RB1: variants seen among roughly 807,000 people sequenced by gnomAD.
RB1 encodes RB transcriptional corepressor 1.
In RB1, 18 loss-of-function variants were observed where a neutral mutation model predicts 135.4. The ratio of observed to expected loss-of-function variants is 0.13; its 90% CI spans 0.09 to 0.20. The LOEUF is 0.20. RB1 is among the 10% of genes least tolerant of loss of function. The pLI, the probability that RB1 is intolerant of heterozygous loss-of-function variation, is 1.00. For missense variants in RB1, 868 were observed against 1,110.0 expected, an observed-to-expected ratio of 0.78 and a Z score of 3.10; for synonymous variants, 365 against 373.2, an observed-to-expected ratio of 0.98 and a Z score of 0.25.
chr13:48,375,885 T>A (rs893531531), intron 12 of RB1, among the ~76,000 whole-genome samples: 4 of 152,116 alleles, frequency 2.6e-5, no homozygotes, highest in African/African-American at 9.6e-5. Flanking sequence ...GGCCATAATC[T>A]TAATTTTAGA....
At chr13:48,350,590 CTT>C (rs779397455) in intron 6 of RB1, among the ~76,000 whole-genome samples, 6 of 151,944 alleles carry the variant, frequency 3.9e-5, no homozygotes, top group Admixed American at 6.6e-5. Context: ...TTTAAAAAAA[CTT>C]TTAGGTTCAG....
chr13:48,467,411 C>T (rs1949453922), intron 23 of RB1, among the ~76,000 whole-genome samples: 2 of 76,174 alleles, frequency 2.6e-5, no homozygotes, highest in Admixed American at 1.6e-4. Flanking sequence ...GAAGGAAGCG[C>T]TAAACATGGA....
intron 17 of RB1, among the ~76,000 whole-genome samples, chr13:48,410,463 A>G (rs1948783601): frequency 6.6e-6 from 1 of 152,212 alleles, no homozygotes; most frequent in South Asian, 2.1e-4. Context: ...TTACCTAAGC[A>G]AGCATCATAA....
intron 11 of RB1, 41 bp from the exon 12 acceptor site, chr13:48,373,364 C>G (rs1952782505): frequency 1.6e-6 from 2 of 1,242,638 alleles, no homozygotes; most frequent in East Asian, 4.7e-5. Flanking sequence ...TTTTTTCTCC[C>G]TTCATTGCTT....
chr13:48,407,238 G>T (rs1948748460), intron 17 of RB1, among the ~76,000 whole-genome samples: 3 of 152,088 alleles, frequency 2.0e-5, no homozygotes, highest in Non-Finnish European at 4.4e-5. Context: ...TTAAATTTTT[G>T]AATTATACCC....
intron 12 of RB1, 72 bp downstream of exon 12, chr13:48,373,564 T>A: frequency 1.0e-6 from 1 of 976,518 alleles, no homozygotes; most frequent in Non-Finnish European, 1.6e-6. Context: ...GTTAAAGTAC[T>A]GAGTTCTTTT....
chr13:48,351,065 A>T (rs1952542637), intron 6 of RB1, among the ~76,000 whole-genome samples: 1 of 152,170 alleles, frequency 6.6e-6, no homozygotes, highest in Non-Finnish European at 1.5e-5. Flanking sequence ...TCTTTATGGT[A>T]GAATGATTTC....
At chr13:48,393,063 T>C (rs1183276747) in intron 17 of RB1, among the ~76,000 whole-genome samples, 2 of 152,198 alleles carry the variant, frequency 1.3e-5, no homozygotes, top group Admixed American at 6.6e-5. Flanking sequence ...GAATATCCCA[T>C]ATATGACAAG....
At chr13:48,308,634 C>T (rs1179262858) in intron 2 of RB1, among the ~76,000 whole-genome samples, 4 of 151,028 alleles carry the variant, frequency 2.6e-5, no homozygotes, top group Non-Finnish European at 5.9e-5. Flanking sequence ...GACTAGGCAA[C>T]AGAGAAGACT....
At chr13:48,360,185 T>TTTG (rs1327455239) in intron 7 of RB1, 58 bp downstream of exon 7, 1 of 1,604,508 alleles carries the variant, frequency 6.2e-7, no homozygotes, top group Non-Finnish European at 8.5e-7. Flanking sequence ...TTATTGAATG[T>TTTG]CTAGTGGGTA....
In RB1 at chr13:48,303,946, A is replaced by G. The variant is rs1566174063; in HGVS notation, c.34A>G (p.Thr12Ala). 1 of 1,508,982 alleles carries G rather than the reference A, an allele frequency of 6.6e-7. No individual in the cohort carries two copies. Among genetic ancestry groups the G allele is most frequent in the African/African-American group, 1.4e-5 (1 of 69,078 alleles). 93.5% of individuals were successfully genotyped at this position (1,508,982 alleles called of 1,614,324 possible). A position where few individuals can be genotyped will look rare whatever the true frequency, so the allele number is the denominator to read the frequency against. The change falls in exon 1 of 27, where the codon ACC (threonine) becomes GCC (alanine). Residue 12 changes from threonine (T) to alanine (A), a missense_variant. Physicochemically the swap from Thr to Ala is moderately conservative, Grantham distance 58. Around this residue, in one of 3 missense-constraint regions of RB1, gnomAD observed 641 missense variants for 791.3 expected, o/e 0.81. Coordinates refer to ENST00000267163, the MANE Select transcript of RB1 (RefSeq NM_000321.3). ...PPKTPRKTAA[T>A]AAAAAAEPPA... ...CAAAACCCCCCGAAAAACGGCCGCC[A>G]CCGCCGCCGCTGCCGCCGCGGAACC...
At chr13:48,433,596 T>C (rs934087314) in intron 17 of RB1, among the ~76,000 whole-genome samples, 2 of 152,060 alleles carry the variant, frequency 1.3e-5, no homozygotes, top group Non-Finnish European at 2.9e-5. Context: ...TTTTTATAAC[T>C]TACACCAAAT....
intron 6 of RB1, 32 bp from the exon 7 acceptor site, chr13:48,359,985 A>G (rs1952624542): frequency 1.2e-6 from 2 of 1,608,472 alleles, no homozygotes; most frequent in Non-Finnish European, 1.7e-6. Context: ...TGAATCTCTA[A>G]CTTTCTTTAA....
In RB1 at chr13:48,373,393, T is replaced by TA; in HGVS notation, c.1128-11dup. On this transcript the variant is annotated splice_polypyrimidine_tract_variant and intron_variant, in intron 11 of 26. Transcript: ENST00000267163. ...ATTGCTTAACACATTTTCCTATTTT[T>TA]ATCCCCTCTAGGACTGTTATGAACA... is the stretch of plus-strand genomic sequence containing the variant. The TA allele has an allele frequency of 6.6e-7, 1 of 1,514,192 alleles. No individual in the cohort carries two copies. The highest frequency in any genetic ancestry group is 1.1e-5 in the South Asian group (1 of 87,968). The allele number at this position is 1,514,192 out of a possible 1,614,324, so 93.8% of individuals were successfully genotyped here.
intron 17 of RB1, among the ~76,000 whole-genome samples, chr13:48,399,421 A>G (rs1948673855): frequency 6.6e-6 from 1 of 152,084 alleles, no homozygotes; most frequent in Non-Finnish European, 1.5e-5. Context: ...AGATAAGCAG[A>G]AAGAATACAA....
chr13:48,360,348 A>G lies in RB1; in HGVS notation c.718+221A>G, dbSNP rs1871816876. 5 of 957,892 alleles carry G rather than the reference A, an allele frequency of 5.2e-6. No homozygotes were observed. The South Asian group carries it at 8.5e-5, about 16-fold the overall frequency. The allele number at this position is 957,892 out of a possible 1,614,324, so 59.3% of individuals were successfully genotyped here. ...AGTGGTTTGGGTCAAAATACAACAAATGGAGGTTTGGGAGACAAGAAAGTT... is the reference window on the plus strand; with the variant it reads ...AGTGGTTTGGGTCAAAATACAACAAGTGGAGGTTTGGGAGACAAGAAAGTT... On this transcript the variant is annotated intron_variant, in intron 7 of 26. Coordinates refer to ENST00000267163, the MANE Select transcript of RB1 (RefSeq NM_000321.3).
intron 2 of RB1, chr13:48,318,424 C>G: frequency 6.7e-7 from 1 of 1,490,310 alleles, no homozygotes; most frequent in Non-Finnish European, 9.2e-7. Flanking sequence ...TCGTCACTGT[C>G]CAGGGAGCTG....
chr13:48,408,705 T>C (rs1157156958), intron 17 of RB1: 1 of 152,200 alleles, frequency 6.6e-6, no homozygotes, highest in Non-Finnish European at 1.5e-5. Context: ...GAAAACCATG[T>C]TTGTTATCTG....
intron 2 of RB1, chr13:48,317,724 G>A: frequency 5.8e-6 from 3 of 520,352 alleles, no homozygotes; most frequent in Middle Eastern, 6.6e-4. Flanking sequence ...GCCCCTTCCT[G>A]CCCTGGCTGA....
Sources: gnomAD v4.1 joint callset for allele counts (sites outside exome capture counted in the v4.1 genomes callset) on GRCh38, gnomAD v4.1.1 for gene constraint, gnomAD v4.1.1 regional missense constraint, MANE v1.5 for transcripts, NCBI Gene and HGNC (gene_info 2026-07-23, HGNC 2026-07-21) for gene names.